The following ZNF280D variants were observed in gnomAD, a reference collection of about 807,000 sequenced individuals.
ZNF280D encodes the protein zinc finger protein 280D, also known as suppressor of hairy wing homolog 4.
A neutral mutation model predicts 94.7 loss-of-function variants in ZNF280D; 39 were observed. That is an observed-to-expected ratio of 0.41 (90% CI 0.32 to 0.54). The LOEUF (loss-of-function observed/expected upper bound fraction) is 0.54. ZNF280D is among the 20% of genes least tolerant of loss of function. The pLI, the probability that ZNF280D is intolerant of heterozygous loss-of-function variation, is 0.22. For missense variants in ZNF280D, 1,090 were observed against 1,149.3 expected (o/e 0.95, Z 0.75); for synonymous variants, 398 against 377.6 (o/e 1.05, Z -0.63).
At chr15:56,641,169 T>C (rs2140543193) in intron 20 of ZNF280D, among the ~76,000 whole-genome samples, 1 of 152,172 alleles carries the variant, frequency 6.6e-6, no homozygotes, top group South Asian at 2.1e-4. Flanking sequence ...ATTTTAAAAT[T>C]TGAGAAGAAT....
intron 1 of ZNF280D, among the ~76,000 whole-genome samples, chr15:56,724,292 C>T (rs139577752): frequency 0.012 from 1,900 of 152,244 alleles, 17 homozygotes; most frequent in Non-Finnish European, 0.021. Flanking sequence ...TAAAATAATG[C>T]TTTCATTCTG....
Position 56,693,077 on chromosome 15 carries a change from GA to G in ZNF280D, c.499+20del. The G allele has an allele frequency of 7.6e-6, 11 of 1,451,944 alleles. No individual in the cohort carries two copies. Among genetic ancestry groups the G allele is most frequent in the Admixed American group, 3.5e-5 (2 of 57,734 alleles). 89.9% of individuals were successfully genotyped at this position (1,451,944 alleles called of 1,614,324 possible). ...TCAAGTTTCTTTCTATAACCTTTAT[GA>G]AAAAAATACTAAAACCAACCTGCCA... On this transcript the variant is annotated intron_variant, in intron 7 of 21. Coordinates refer to ENST00000267807, the MANE Select transcript of ZNF280D (RefSeq NM_017661.4).
intron 20 of ZNF280D, among the ~76,000 whole-genome samples, chr15:56,641,430 A>C (rs139288473): frequency 5.1e-4 from 77 of 152,036 alleles, no homozygotes; most frequent in Non-Finnish European, 8.8e-4. Context: ...ATTTGATATT[A>C]TATCTTTTAA....
chr15:56,694,565 C>CT (rs1245921249), intron 6 of ZNF280D, among the ~76,000 whole-genome samples: 3 of 151,852 alleles, frequency 2.0e-5, no homozygotes, highest in Non-Finnish European at 4.4e-5. Context: ...TACGAAATAC[C>CT]TTTTTTCCAA....
Position 56,642,962 on chromosome 15 carries a change from G to A in ZNF280D, c.2249C>T (p.Pro750Leu). 2.0e-6 allele frequency: 3 copies of A among 1,508,284 alleles called. No homozygotes were observed. Among genetic ancestry groups the A allele is most frequent in the Non-Finnish European group, 2.6e-6 (3 of 1,132,912 alleles). 93.4% of individuals were successfully genotyped at this position (1,508,284 alleles called of 1,614,324 possible). Residue 750 changes from proline (P) to leucine (L), a missense_variant, in exon 20 of 22, where the codon CCT (proline) becomes CTT (leucine). Pro to Leu is a moderately conservative substitution (Grantham distance 98, BLOSUM62 -3). Around this residue, in one of 3 missense-constraint regions of ZNF280D, gnomAD observed 577 missense variants for 568.8 expected, o/e 1.01. Coordinates refer to ENST00000267807, the MANE Select transcript of ZNF280D (RefSeq NM_017661.4). The part of the protein sequence containing the change: ...KKEAPAKEQE[P>L]VSKEIARPNM... ...TAAAACAAACTTTACCTTAGACACA[G>A]GTTCTTGTTCCTTTGCGGGAGCTTC... is the stretch of plus-strand genomic sequence containing the variant.
chr15:56,700,515 T>C (rs1011837528), intron 6 of ZNF280D: 12 of 1,017,208 alleles, frequency 1.2e-5, no homozygotes, highest in African/African-American at 1.7e-5. Flanking sequence ...AAAAAATGTT[T>C]GTTTTTTTTT....
At chr15:56,700,836 C>G (rs774577618) in intron 6 of ZNF280D, 97 bp downstream of exon 6, 5 of 1,602,292 alleles carry the variant, frequency 3.1e-6, no homozygotes, top group Non-Finnish European at 4.3e-6. Context: ...TGGATGACTA[C>G]TTATGACAGT....
intron 7 of ZNF280D, among the ~76,000 whole-genome samples, chr15:56,692,845 T>C (rs1222560286): frequency 2.6e-5 from 4 of 152,176 alleles, no homozygotes; most frequent in Admixed American, 2.6e-4. Context: ...TTCTCAGCTA[T>C]GGTTAGCTCC....
chr15:56,640,595 C>T (rs920471739), intron 20 of ZNF280D, among the ~76,000 whole-genome samples: 2 of 152,118 alleles, frequency 1.3e-5, no homozygotes, highest in Non-Finnish European at 2.9e-5. Flanking sequence ...ATCAACAGTA[C>T]ATTTTCAAAT....
Position 56,677,544 on chromosome 15 carries a change from A to G in ZNF280D, c.1263+30T>C, listed in dbSNP as rs2055314724. The G allele has an allele frequency of 2.0e-6, 3 of 1,496,976 alleles. No individual in the cohort carries two copies. In the East Asian group the frequency reaches 6.9e-5, roughly 34 times the overall value. 92.7% of individuals were successfully genotyped at this position (1,496,976 alleles called of 1,614,324 possible). ...AACCAAAACAACAAACAAACCAAAC[A>G]CTTAAAAAAACAATAAAATGTATGT... On this transcript the variant is annotated intron_variant, in intron 12 of 21. Transcript: ENST00000267807.
intron 19 of ZNF280D, among the ~76,000 whole-genome samples, chr15:56,647,238 G>T (rs577731895): frequency 3.0e-4 from 46 of 152,288 alleles, no homozygotes; most frequent in African/African-American, 1.1e-3. Context: ...ATGGAGAAAA[G>T]GTTGGTTTAG....
chr15:56,710,536 G>A (rs1334248556), intron 1 of ZNF280D, among the ~76,000 whole-genome samples: 3 of 151,778 alleles, frequency 2.0e-5, no homozygotes, highest in Non-Finnish European at 2.9e-5. Context: ...TGAATTCCAA[G>A]TAACTGACTT....
intron 1 of ZNF280D, chr15:56,732,806 A>G (rs1434147522): frequency 2.0e-5 from 3 of 152,238 alleles, no homozygotes; most frequent in African/African-American, 7.2e-5. Flanking sequence ...TTTCCGTCTC[A>G]GTAAGTGAAC....
intron 20 of ZNF280D, among the ~76,000 whole-genome samples, chr15:56,636,307 T>C (rs1315325672): frequency 6.6e-6 from 1 of 151,972 alleles, no homozygotes; most frequent in Admixed American, 6.6e-5. Context: ...AAGAGATCAA[T>C]TTGCCCAGAG....
chr15:56,654,401 T>C lies in ZNF280D; in HGVS notation c.2160A>G (p.Gln720=). The C allele has an allele frequency of 6.2e-7, 1 of 1,605,804 alleles. No homozygotes were observed. The highest frequency in any genetic ancestry group is 8.5e-7 in the Non-Finnish European group (1 of 1,177,980). Residue 720 remains glutamine, a synonymous_variant, in exon 18 of 22, where the codon CAA becomes CAG. Transcript: ENST00000267807. ...HLSQHKTHTC[Q]VVMQKVSVCI... The stretch of plus-strand genomic sequence containing the variant: ...TATACGTACCTTTCTGCATTACAAC[T>C]TGGCAAGTATGAGTTTTATGTTGAC...
intron 19 of ZNF280D, chr15:56,653,807 CA>C (rs2053356605): frequency 2.4e-6 from 3 of 1,254,628 alleles, no homozygotes; most frequent in Non-Finnish European, 2.0e-6. Context: ...ACCATAGCAA[CA>C]AATGTTATTT....
intron 16 of ZNF280D, among the ~76,000 whole-genome samples, chr15:56,663,301 G>GA: frequency 7.6e-6 from 1 of 130,952 alleles, no homozygotes; most frequent in Non-Finnish European, 1.7e-5. Context: ...AAAAAAAAAG[G>GA]AAAAAAGAAA....
chr15:56,632,138 A>G lies in ZNF280D; in HGVS notation c.2316-16T>C. On this transcript the variant is annotated splice_polypyrimidine_tract_variant and intron_variant, in intron 21 of 21. Transcript: ENST00000267807. The stretch of plus-strand genomic sequence containing the variant: ...ATCTTGTTTACTGAAAAATAAAGTC[A>G]TTTATTATGTATTTCTTCATAAAGC... 1 of 1,522,348 alleles carries G rather than the reference A, an allele frequency of 6.6e-7. No individual in the cohort carries two copies. The highest frequency in any genetic ancestry group is 2.2e-5 in the Admixed American group (1 of 46,278). 94.3% of individuals were successfully genotyped at this position (1,522,348 alleles called of 1,614,324 possible).
intron 1 of ZNF280D, among the ~76,000 whole-genome samples, chr15:56,707,697 A>T (rs1319274389): frequency 6.6e-6 from 1 of 152,130 alleles, no homozygotes; most frequent in African/African-American, 2.4e-5. Context: ...ACACAATTTT[A>T]AACAAATTTT....
Sources: gnomAD v4.1 joint callset for allele counts (sites outside exome capture counted in the v4.1 genomes callset) on GRCh38, gnomAD v4.1.1 for gene constraint, gnomAD v4.1.1 regional missense constraint, MANE v1.5 for transcripts, NCBI Gene and HGNC (gene_info 2026-07-23, HGNC 2026-07-21) for gene names.